The following C8orf89 variants were observed in gnomAD, a reference collection of about 807,000 sequenced individuals.
C8orf89 encodes the protein chromosome 8 open reading frame 89.
Under a neutral mutation model 15.8 loss-of-function variants are expected in C8orf89, and 14 were observed. The ratio of observed to expected loss-of-function variants is 0.89; its 90% CI spans 0.59 to 1.39. The LOEUF (loss-of-function observed/expected upper bound fraction) is 1.39. Among genes scored for constraint, C8orf89 ranks in the 40% most tolerant of loss-of-function variants. The pLI, the probability that C8orf89 is intolerant of heterozygous loss-of-function variation, is 0.00. For missense variants in C8orf89, 181 were observed against 184.5 expected (o/e 0.98, Z 0.11); for synonymous variants, 55 against 62.2 (o/e 0.88, Z 0.54).
chr8:73,265,225 G>A, the C8orf89 span, among the ~76,000 whole-genome samples: 1 of 152,064 alleles, frequency 6.6e-6, no homozygotes, highest in Non-Finnish European at 1.5e-5. Flanking sequence ...TTTTTAATGT[G>A]GCTTTCAGAA....
At position 73,259,434 on chromosome 8, in the gene C8orf89, T is replaced by G; in HGVS notation, c.25A>C (p.Lys9Gln). The G allele has an allele frequency of 6.5e-7, 1 of 1,533,904 alleles. No individual in the cohort carries two copies. Among genetic ancestry groups the G allele is most frequent in the Non-Finnish European group, 8.7e-7 (1 of 1,146,010 alleles). Residue 9 changes from lysine (K) to glutamine (Q), a missense_variant, in exon 1 of 4, where the codon AAA (lysine) becomes CAA (glutamine). Coordinates refer to ENST00000624510, the MANE Select transcript of C8orf89 (RefSeq NM_001243237.3). The part of the protein sequence containing the change: MSVLSPEI[K>Q]CETSKFTRSS... The stretch of plus-strand genomic sequence containing the variant: ...CTGGTGAATTTAGAAGTCTCACATT[T>G]GATTTCAGGAGATAGCACTGACATT...
At chr8:73,265,296 A>G in the C8orf89 span, among the ~76,000 whole-genome samples, 1 of 152,246 alleles carries the variant, frequency 6.6e-6, no homozygotes, top group African/African-American at 2.4e-5. Flanking sequence ...GGTTTGAAAG[A>G]TAGCAGATAT....
At chr8:73,284,536 A>G in the C8orf89 span, among the ~76,000 whole-genome samples, 7 of 152,142 alleles carry the variant, frequency 4.6e-5, no homozygotes, top group African/African-American at 7.2e-5. Flanking sequence ...GTGAAAAAAG[A>G]CATTTCTCAA....
At chr8:73,243,179 C>T (rs1005776114) in intron 3 of C8orf89, among the ~76,000 whole-genome samples, 3 of 151,770 alleles carry the variant, frequency 2.0e-5, no homozygotes, top group Admixed American at 6.6e-5. Context: ...AGGAGAGATG[C>T]GGGGGAAGTG....
At chr8:73,270,904 A>T in the C8orf89 span, among the ~76,000 whole-genome samples, 3 of 152,248 alleles carry the variant, frequency 2.0e-5, no homozygotes, top group Non-Finnish European at 4.4e-5. Context: ...TAAATATTCA[A>T]CTTACAGGAA....
At chr8:73,262,554 C>T (rs1487979729), upstream of C8orf89, among the ~76,000 whole-genome samples, 2 of 151,954 alleles carry the variant, frequency 1.3e-5, no homozygotes, top group East Asian at 3.9e-4. Flanking sequence ...TAATGGCTCA[C>T]ACATGTAATC....
upstream of C8orf89, among the ~76,000 whole-genome samples, chr8:73,263,831 A>C (rs1813572551): frequency 1.3e-5 from 2 of 152,170 alleles, no homozygotes; most frequent in African/African-American, 4.8e-5. Context: ...GTGATGGTTA[A>C]GTTCTATAAA....
chr8:73,272,946 T>G, the C8orf89 span, among the ~76,000 whole-genome samples: 4 of 152,204 alleles, frequency 2.6e-5, no homozygotes, highest in African/African-American at 9.6e-5. Flanking sequence ...GAAATCTAAC[T>G]CAGGCCACCT....
chr8:73,254,063 G>A (rs1347494323), intron 2 of C8orf89, among the ~76,000 whole-genome samples: 3 of 152,166 alleles, frequency 2.0e-5, no homozygotes, highest in African/African-American at 7.2e-5. Context: ...GATATTGGCT[G>A]TGGGTTTGTC....
chr8:73,277,669 G>A, the C8orf89 span: 2 of 756,078 alleles, frequency 2.6e-6, no homozygotes, highest in South Asian at 1.3e-5. Flanking sequence ...TTTAAAATAA[G>A]GCTGGAAATC....
chr8:73,274,042 A>T, the C8orf89 span, among the ~76,000 whole-genome samples: 1 of 151,994 alleles, frequency 6.6e-6, no homozygotes, highest in Non-Finnish European at 1.5e-5. Context: ...CCTTGAGATT[A>T]CTGTTAACTA....
At chr8:73,250,397 C>A in intron 2 of C8orf89, 74 bp from the exon 3 acceptor site, 1 of 789,808 alleles carries the variant, frequency 1.3e-6, no homozygotes. Flanking sequence ...TGTTGAATAA[C>A]ATCACATAGA....
upstream of C8orf89, among the ~76,000 whole-genome samples, chr8:73,261,366 G>A (rs370174308): frequency 3.0e-4 from 46 of 152,148 alleles, no homozygotes; most frequent in South Asian, 9.0e-3. Flanking sequence ...GGAGGGAAGG[G>A]GAAAAACAAG....
At chr8:73,252,022 G>A (rs1813262153) in intron 2 of C8orf89, among the ~76,000 whole-genome samples, 1 of 152,016 alleles carries the variant, frequency 6.6e-6, no homozygotes, top group South Asian at 2.1e-4. Flanking sequence ...CTGCATCCCC[G>A]CCATTTTCCA....
upstream of C8orf89, among the ~76,000 whole-genome samples, chr8:73,259,931 A>G (rs536487711): frequency 4.6e-5 from 7 of 152,328 alleles, no homozygotes; most frequent in South Asian, 1.4e-3. Context: ...TCCAAAGAGT[A>G]CAACCATGAG....
upstream of C8orf89, among the ~76,000 whole-genome samples, chr8:73,264,451 A>G (rs1813582842): frequency 6.6e-6 from 1 of 152,180 alleles, no homozygotes. Flanking sequence ...AGGGGCAAGA[A>G]GCGCTTCAGA....
In C8orf89 at chr8:73,241,427, T is replaced by C. The variant is rs752775227; in HGVS notation, c.*30A>G. ...AGAAAATATAAAGCTTAAAAGTCAC[T>C]GAAGAAAGCATCACACTGTACGACA... On this transcript the variant is annotated 3_prime_UTR_variant, in exon 4 of 4. Transcript: ENST00000624510. 23 of 1,408,098 alleles carry C rather than the reference T, an allele frequency of 1.6e-5. No individual in the cohort carries two copies. The highest frequency in any genetic ancestry group is 2.1e-5 in the Non-Finnish European group (23 of 1,078,990). The allele number at this position is 1,408,098 out of a possible 1,614,324, so 87.2% of individuals were successfully genotyped here. A position where few individuals can be genotyped will look rare whatever the true frequency, so the allele number is the denominator to read the frequency against.
chr8:73,276,972 G>C, the C8orf89 span, among the ~76,000 whole-genome samples: 1 of 151,682 alleles, frequency 6.6e-6, no homozygotes, highest in African/African-American at 2.4e-5. Context: ...ATGCCCGGCT[G>C]ATTTTTGTGT....
chr8:73,269,661 A>G, the C8orf89 span, among the ~76,000 whole-genome samples: 1 of 152,236 alleles, frequency 6.6e-6, no homozygotes, highest in Non-Finnish European at 1.5e-5. Flanking sequence ...TCATCTATTC[A>G]GCATTCCTGC....
Sources: gnomAD v4.1 joint callset for allele counts (sites outside exome capture counted in the v4.1 genomes callset) on GRCh38, gnomAD v4.1.1 for gene constraint, MANE v1.5 for transcripts, NCBI Gene and HGNC (gene_info 2026-07-23, HGNC 2026-07-21) for gene names.